FAM135B: variants seen among roughly 807,000 people sequenced by gnomAD.
FAM135B encodes protein FAM135B.
Under a neutral mutation model 127.7 loss-of-function variants are expected in FAM135B, and 43 were observed. The ratio of observed to expected loss-of-function variants is 0.34; its 90% CI spans 0.26 to 0.43. The LOEUF (loss-of-function observed/expected upper bound fraction) is 0.43. Ranked by LOEUF, FAM135B falls within the 20% of genes least tolerant of loss-of-function variation. FAM135B has a pLI of 1.00. For missense variants in FAM135B, 1,558 were observed against 1,725.6 expected (o/e 0.90, Z 1.72); for synonymous variants, 670 against 665.1 (o/e 1.01, Z -0.11).
At position 138,317,132 on chromosome 8, in the gene FAM135B, C is replaced by G. The variant is rs1827160243; in HGVS notation, c.78-6212G>C. 2.0e-5 allele frequency among the ~76,000 whole-genome samples: 3 copies of G among 152,072 alleles called. No homozygotes were observed. The South Asian group carries it at 6.2e-4, about 32-fold the overall frequency. On this transcript the variant is annotated intron_variant, in intron 2 of 19. Transcript: ENST00000395297. ...CCACAATACTAAAAACTGAAACAAC[C>G]CAGATGTCCTTTAGTAAATGAATAA... is the stretch of plus-strand genomic sequence containing the variant.
intron 1 of FAM135B, among the ~76,000 whole-genome samples, chr8:138,446,034 T>A (rs558824392): frequency 6.6e-6 from 1 of 152,148 alleles, no homozygotes; most frequent in Non-Finnish European, 1.5e-5. Flanking sequence ...AGCCAAATCA[T>A]GAATGAACTC....
chr8:138,398,536 G>A lies in FAM135B; in HGVS notation c.-19-30534C>T, dbSNP rs562137781. ...AAATCAGCCACATTCAGACACTCCAGAGAGAAGGGTTTGGCTCATCAACCT... is the reference window on the plus strand; with the variant it reads ...AAATCAGCCACATTCAGACACTCCAAAGAGAAGGGTTTGGCTCATCAACCT... On this transcript the variant is annotated intron_variant, in intron 1 of 19. Transcript: ENST00000395297. Among the ~76,000 whole-genome samples, 3 of 152,286 alleles carry A rather than the reference G, an allele frequency of 2.0e-5. No individual in the cohort carries two copies. In the South Asian group the frequency reaches 6.2e-4, roughly 32 times the overall value.
At chr8:138,335,477 C>T (rs1587130647) in intron 2 of FAM135B, among the ~76,000 whole-genome samples, 1 of 152,234 alleles carries the variant, frequency 6.6e-6, no homozygotes, top group African/African-American at 2.4e-5. Context: ...ATAAAACAGA[C>T]TTTAAACCAA....
At chr8:138,209,054 G>T (rs1586780095) in intron 7 of FAM135B, among the ~76,000 whole-genome samples, 1 of 152,080 alleles carries the variant, frequency 6.6e-6, no homozygotes, top group African/African-American at 2.4e-5. Flanking sequence ...TTGTGGTTGG[G>T]TTTCTATATA....
intron 12 of FAM135B, among the ~76,000 whole-genome samples, chr8:138,162,366 G>A (rs1819486143): frequency 6.6e-6 from 1 of 152,148 alleles, no homozygotes; most frequent in South Asian, 2.1e-4. Context: ...TATAAGAGTG[G>A]ATGCACGTCA....
intron 7 of FAM135B, among the ~76,000 whole-genome samples, chr8:138,223,200 A>C (rs1183002172): frequency 6.6e-6 from 1 of 152,200 alleles, no homozygotes. Flanking sequence ...AACAGGAGAG[A>C]ACAACAAAAT....
chr8:138,152,172 G>A lies in FAM135B; in HGVS notation c.2303C>T (p.Thr768Ile), dbSNP rs933172942. Residue 768 changes from threonine (T) to isoleucine (I), a missense_variant, in exon 13 of 20, where the codon ACC becomes ATC. Coordinates refer to ENST00000395297, the MANE Select transcript of FAM135B (RefSeq NM_015912.4). ...GATGTGGGGAGCAGATACAGACTTG[G>A]TTAACTTAGTGAGTGCCACCTCCCG... ...DEREVALTKLTKSVSAPHISS... is the reference protein window; with the variant it reads ...DEREVALTKLIKSVSAPHISS... 5 of 1,613,942 alleles carry A rather than the reference G, an allele frequency of 3.1e-6. No individual in the cohort carries two copies. The highest frequency in any genetic ancestry group is 1.3e-5 in the African/African-American group (1 of 74,922).
chr8:138,323,642 A>G (rs1032695098), intron 2 of FAM135B, among the ~76,000 whole-genome samples: 5 of 152,146 alleles, frequency 3.3e-5, no homozygotes, highest in Non-Finnish European at 7.3e-5. Context: ...ATCTTGTGCT[A>G]GTTAAGCACA....
chr8:138,284,579 C>T (rs1351684487), intron 3 of FAM135B, among the ~76,000 whole-genome samples: 1 of 151,658 alleles, frequency 6.6e-6, no homozygotes, highest in Non-Finnish European at 1.5e-5. Flanking sequence ...TGTTCTCCAG[C>T]CTCCCTGGCC....
chr8:138,292,243 A>G (rs1825167538), intron 3 of FAM135B, among the ~76,000 whole-genome samples: 1 of 152,136 alleles, frequency 6.6e-6, no homozygotes, highest in African/African-American at 2.4e-5. Flanking sequence ...CTGAAAATAT[A>G]AGACACTAAT....
intron 2 of FAM135B, among the ~76,000 whole-genome samples, chr8:138,360,928 CTT>C (rs5895517): frequency 2.4e-3 from 340 of 140,672 alleles, no homozygotes; most frequent in African/African-American, 3.2e-3. Flanking sequence ...TCCATTTCTT[CTT>C]TTTTTTTTTT....
intron 9 of FAM135B, among the ~76,000 whole-genome samples, chr8:138,194,761 G>T (rs1816473851): frequency 6.6e-6 from 1 of 152,200 alleles, no homozygotes; most frequent in African/African-American, 2.4e-5. Flanking sequence ...TCCAGAGATT[G>T]TAAATAGCAG....
intron 3 of FAM135B, among the ~76,000 whole-genome samples, chr8:138,275,333 G>A (rs1326470670): frequency 6.6e-6 from 1 of 152,098 alleles, no homozygotes; most frequent in Non-Finnish European, 1.5e-5. Context: ...ATTGCATACT[G>A]AAAACCTTAC....
intron 11 of FAM135B, among the ~76,000 whole-genome samples, chr8:138,172,804 A>G (rs1820581516): frequency 6.6e-6 from 1 of 152,210 alleles, no homozygotes; most frequent in African/African-American, 2.4e-5. Flanking sequence ...CTCATTCCTT[A>G]TCATCAAGAG....
At chr8:138,292,034 C>A (rs1352512788) in intron 3 of FAM135B, among the ~76,000 whole-genome samples, 2 of 151,840 alleles carry the variant, frequency 1.3e-5, no homozygotes, top group African/African-American at 4.8e-5. Flanking sequence ...AAAATTCCAT[C>A]AAAAAACTGT....
intron 1 of FAM135B, among the ~76,000 whole-genome samples, chr8:138,448,398 TTCTG>T (rs1330299809): frequency 2.0e-5 from 3 of 152,174 alleles, no homozygotes; most frequent in Non-Finnish European, 2.9e-5. Flanking sequence ...GGTGGACTCC[TTCTG>T]TCTGTCATTT....
chr8:138,348,127 C>CTTTTTTTT (rs58289442), intron 2 of FAM135B, among the ~76,000 whole-genome samples: 16 of 52,850 alleles, frequency 3.0e-4, no homozygotes, highest in Non-Finnish European at 3.5e-4. Context: ...TTTTCCTCCT[C>CTTTTTTTT]TTTTTTTTTT....
At chr8:138,185,124 G>A (rs1311242438) in intron 9 of FAM135B, among the ~76,000 whole-genome samples, 1 of 152,152 alleles carries the variant, frequency 6.6e-6, no homozygotes, top group Non-Finnish European at 1.5e-5. Flanking sequence ...AGAGGTAACA[G>A]TGACCACAGT....
chr8:138,215,411 G>A (rs1818467662), intron 7 of FAM135B, among the ~76,000 whole-genome samples: 1 of 152,028 alleles, frequency 6.6e-6, no homozygotes, highest in Admixed American at 6.5e-5. Context: ...CTGAATGTTG[G>A]CCATAGAGCC....
Sources: gnomAD v4.1 joint callset for allele counts (sites outside exome capture counted in the v4.1 genomes callset) on GRCh38, gnomAD v4.1.1 for gene constraint, MANE v1.5 for transcripts, NCBI Gene and HGNC (gene_info 2026-07-23, HGNC 2026-07-21) for gene names.